Variants in DOCK2 observed in about 807,000 individuals in gnomAD.
DOCK2 encodes dedicator of cytokinesis protein 2.
Under a neutral mutation model 248.9 loss-of-function variants are expected in DOCK2, and 87 were observed. That is an observed-to-expected ratio of 0.35 (90% CI 0.29 to 0.42). The LOEUF (loss-of-function observed/expected upper bound fraction) is 0.42. Among genes scored for constraint, DOCK2 ranks in the 10% least tolerant of loss-of-function variants. The pLI is 1.00. For synonymous variants in DOCK2, 805 were observed against 821.6 expected (o/e 0.98, Z 0.35); for missense variants, 1,747 against 2,300.2 (o/e 0.76, Z 4.92).
chr5:169,980,628 C>T (rs547343831), intron 27 of DOCK2: 1 of 152,278 alleles, frequency 6.6e-6, no homozygotes, highest in Non-Finnish European at 1.5e-5. Context: ...TATACACACA[C>T]TCCTACACCC....
chr5:169,698,274 A>T (rs924867143), intron 10 of DOCK2, 100 bp from the exon 11 acceptor site: 1 of 1,230,960 alleles, frequency 8.1e-7, no homozygotes. Flanking sequence ...ACCCCCAGGC[A>T]TCCCAGGCTC....
At chr5:169,660,073 A>G (rs1245479319) in intron 2 of DOCK2, among the ~76,000 whole-genome samples, 1 of 152,104 alleles carries the variant, frequency 6.6e-6, no homozygotes, top group East Asian at 1.9e-4. Context: ...CAGCTTGTCC[A>G]TTGTAGAAAT....
chr5:169,970,888 G>A (rs1389815417), intron 27 of DOCK2, among the ~76,000 whole-genome samples: 7 of 152,110 alleles, frequency 4.6e-5, no homozygotes, highest in Non-Finnish European at 8.8e-5. Flanking sequence ...TTAATTGAGT[G>A]TGGATCCGAA....
At chr5:169,655,710 A>G (rs1012210584) in intron 2 of DOCK2, among the ~76,000 whole-genome samples, 4 of 152,218 alleles carry the variant, frequency 2.6e-5, no homozygotes, top group Non-Finnish European at 5.9e-5. Context: ...ACACAAAGAC[A>G]CACACAAACA....
At chr5:169,738,417 C>A (rs1426433586) in intron 22 of DOCK2, among the ~76,000 whole-genome samples, 1 of 152,044 alleles carries the variant, frequency 6.6e-6, no homozygotes, top group Non-Finnish European at 1.5e-5. Flanking sequence ...GGGTAAATGG[C>A]TTTTGGGGTG....
At chr5:169,940,886 T>TA (rs1304999281) in intron 27 of DOCK2, among the ~76,000 whole-genome samples, 1 of 152,196 alleles carries the variant, frequency 6.6e-6, no homozygotes, top group Non-Finnish European at 1.5e-5. Flanking sequence ...CCAGATCTAG[T>TA]GGGTAAGGCC....
intron 19 of DOCK2, among the ~76,000 whole-genome samples, chr5:169,715,437 G>A (rs1010777769): frequency 6.6e-6 from 1 of 152,114 alleles, no homozygotes; most frequent in Non-Finnish European, 1.5e-5. Flanking sequence ...AGAATTTCCA[G>A]ATGCCGTAAA....
chr5:170,067,762 C>T (rs978409739), intron 45 of DOCK2, 76 bp downstream of exon 45: 25 of 1,501,598 alleles, frequency 1.7e-5, no homozygotes, highest in Non-Finnish European at 2.7e-6. Context: ...GGGGCAGATG[C>T]AGGTACATGT....
chr5:169,800,319 A>G (rs1005429768), intron 25 of DOCK2, among the ~76,000 whole-genome samples: 1 of 152,172 alleles, frequency 6.6e-6, no homozygotes, highest in African/African-American at 2.4e-5. Flanking sequence ...CTAGATTTAT[A>G]TTCTCTAAAC....
intron 25 of DOCK2, among the ~76,000 whole-genome samples, chr5:169,785,939 G>C (rs1765958389): frequency 6.6e-6 from 1 of 152,136 alleles, no homozygotes; most frequent in African/African-American, 2.4e-5. Context: ...TCAAACGTTT[G>C]AAAAATGGGC....
In DOCK2 at chr5:169,783,046, G is replaced by A. The variant is rs566281964; in HGVS notation, c.2555-20012G>A. On this transcript the variant is annotated intron_variant, in intron 25 of 51. Transcript: ENST00000520908. The stretch of plus-strand genomic sequence containing the variant: ...GAGCTTGCCTTTATTTGCAAAATGA[G>A]GCATTCTTTATTATAATGCAGAATG... Among the ~76,000 whole-genome samples the A allele has an allele frequency of 1.5e-4, 23 of 152,280 alleles. 1 individual carries two copies. The highest frequency in any genetic ancestry group is 2.9e-4 in the Non-Finnish European group (20 of 68,024).
At chr5:170,051,592 G>A (rs770115100) in intron 41 of DOCK2, among the ~76,000 whole-genome samples, 12 of 152,206 alleles carry the variant, frequency 7.9e-5, no homozygotes, top group African/African-American at 1.2e-4. Context: ...CTCAAGCTCC[G>A]TTTTCTTTGG....
At chr5:169,716,967 C>T (rs1761946282) in intron 20 of DOCK2, among the ~76,000 whole-genome samples, 1 of 152,074 alleles carries the variant, frequency 6.6e-6, no homozygotes, top group East Asian at 1.9e-4. Context: ...CAAGTGCTTC[C>T]CCAGAGAGTA....
At chr5:170,021,714 C>A (rs953203091) in intron 33 of DOCK2, among the ~76,000 whole-genome samples, 2 of 152,152 alleles carry the variant, frequency 1.3e-5, no homozygotes, top group Non-Finnish European at 2.9e-5. Context: ...ACTAATGAGG[C>A]AGATGCCCAT....
chr5:169,814,929 C>T (rs1767975417), intron 26 of DOCK2, among the ~76,000 whole-genome samples: 1 of 152,152 alleles, frequency 6.6e-6, no homozygotes, highest in Non-Finnish European at 1.5e-5. Context: ...CTAACTGTCT[C>T]AACCAATCAG....
chr5:169,797,056 T>C (rs1407091657), intron 25 of DOCK2, among the ~76,000 whole-genome samples: 1 of 152,162 alleles, frequency 6.6e-6, no homozygotes, highest in Non-Finnish European at 1.5e-5. Flanking sequence ...ACACAGAACA[T>C]GAAGGAAGTT....
At chr5:169,659,466 C>T (rs1047714577) in intron 2 of DOCK2, among the ~76,000 whole-genome samples, 1 of 152,172 alleles carries the variant, frequency 6.6e-6, no homozygotes, top group African/African-American at 2.4e-5. Context: ...TATATTTTTA[C>T]AACATGGCCC....
At chr5:170,080,702 A>G (rs1406151530) in intron 50 of DOCK2, 1 of 186,144 alleles carries the variant, frequency 5.4e-6, no homozygotes, top group Non-Finnish European at 1.1e-5. Context: ...TTATAGCTGC[A>G]AAGTGTTTGG....
intron 29 of DOCK2, among the ~76,000 whole-genome samples, chr5:169,992,759 A>T (rs73310606): frequency 0.013 from 1,883 of 149,334 alleles, 39 homozygotes; most frequent in African/African-American, 0.042. Context: ...CACCGTGCCC[A>T]GCCAATTACT....
Sources: allele counts gnomAD v4.1 joint callset (sites outside exome capture counted in the v4.1 genomes callset), GRCh38; gene constraint gnomAD v4.1.1; transcripts MANE v1.5; gene names NCBI Gene and HGNC (gene_info 2026-07-23, HGNC 2026-07-21).